PALLD: variants seen among roughly 807,000 people sequenced by gnomAD.
The protein encoded by PALLD is palladin.
Under a neutral mutation model 123.5 loss-of-function variants are expected in PALLD, and 61 were observed. The ratio of observed to expected loss-of-function variants is 0.49; its 90% CI spans 0.40 to 0.61. The LOEUF (loss-of-function observed/expected upper bound fraction) is 0.61. PALLD is among the 20% of genes least tolerant of loss of function. The probability of loss-of-function intolerance (pLI) is 0.00; values close to 1 mark genes in which losing one functional copy is unlikely to be tolerated. For missense variants in PALLD, 1,273 were observed against 1,377.0 expected (o/e 0.92, Z 1.20); for synonymous variants, 465 against 496.4 (o/e 0.94, Z 0.84).
intron 2 of PALLD, among the ~76,000 whole-genome samples, chr4:168,655,074 G>T (rs1164817365): frequency 6.6e-6 from 1 of 152,018 alleles, no homozygotes; most frequent in African/African-American, 2.4e-5. Flanking sequence ...GTTGGTGCAA[G>T]GTCCATAAGT....
In PALLD at chr4:168,668,242, T is replaced by C; in HGVS notation, c.961T>C (p.Cys321Arg). Residue 321 changes from cysteine (C) to arginine (R), a missense_variant, in exon 3 of 22, where the codon TGT (cysteine) becomes CGT (arginine). This residue lies in a region of PALLD where 944 missense variants were observed against 954.5 expected (regional missense o/e 0.99). Transcript: ENST00000505667. Reference sequence around the variant, plus strand: ...CAACACTCCTGATATTCAAATCCACTGTGAGGGAGGGGACCTCCATACCCT... The same window carrying C: ...CAACACTCCTGATATTCAAATCCACCGTGAGGGAGGGGACCTCCATACCCT... The part of the protein sequence containing the change: ...LHNTPDIQIH[C>R]EGGDLHTLII... The C allele has an allele frequency of 6.2e-7, 1 of 1,614,144 alleles. No individual in the cohort carries two copies. Among genetic ancestry groups the C allele is most frequent in the East Asian group, 2.2e-5 (1 of 44,876 alleles).
At chr4:168,758,226 T>A (rs112471411) in intron 10 of PALLD, among the ~76,000 whole-genome samples, 1 of 152,166 alleles carries the variant, frequency 6.6e-6, no homozygotes, top group Non-Finnish European at 1.5e-5. Context: ...TTAAAACTCA[T>A]CTTTTCAAGC....
intron 10 of PALLD, among the ~76,000 whole-genome samples, chr4:168,790,121 A>G (rs1737295897): frequency 1.3e-5 from 2 of 151,248 alleles, no homozygotes; most frequent in South Asian, 4.2e-4. Flanking sequence ...AATGTCTCCA[A>G]ATCCTACTTC....
chr4:168,653,045 C>T (rs768227219), intron 2 of PALLD, among the ~76,000 whole-genome samples: 1 of 152,188 alleles, frequency 6.6e-6, no homozygotes, highest in Non-Finnish European at 1.5e-5. Flanking sequence ...AGGAATCATC[C>T]ATCTAGTTCT....
At chr4:168,908,301 T>C (rs534808760) in intron 15 of PALLD, among the ~76,000 whole-genome samples, 180 of 152,308 alleles carry the variant, frequency 1.2e-3, no homozygotes, top group South Asian at 2.1e-3. Flanking sequence ...ATTTAAACCA[T>C]GACCAGTGAC....
chr4:168,575,118 G>A (rs1041265465), intron 2 of PALLD, among the ~76,000 whole-genome samples: 3 of 152,030 alleles, frequency 2.0e-5, no homozygotes, highest in African/African-American at 4.8e-5. Flanking sequence ...AATCTGATTC[G>A]CTACAGCAAT....
intron 2 of PALLD, among the ~76,000 whole-genome samples, chr4:168,642,649 G>A (rs941334607): frequency 5.9e-5 from 9 of 152,206 alleles, no homozygotes; most frequent in Non-Finnish European, 1.2e-4. Context: ...CGATCCACCC[G>A]CCTTGGTCTC....
intron 11 of PALLD, 78 bp downstream of exon 11, chr4:168,891,135 C>A (rs879760424): frequency 2.2e-6 from 3 of 1,391,238 alleles, no homozygotes; most frequent in African/African-American, 1.4e-5. Flanking sequence ...GACTTAGGTT[C>A]TTGATATTTG....
chr4:168,678,428 G>A (rs1781087712), intron 3 of PALLD, among the ~76,000 whole-genome samples: 1 of 152,148 alleles, frequency 6.6e-6, no homozygotes, highest in Non-Finnish European at 1.5e-5. Flanking sequence ...GATATTCTAG[G>A]TGACGTGAGT....
intron 10 of PALLD, among the ~76,000 whole-genome samples, chr4:168,780,761 C>T (rs948024851): frequency 3.3e-5 from 5 of 152,170 alleles, no homozygotes; most frequent in Admixed American, 3.3e-4. Context: ...AATCTCGGCT[C>T]ACTGCAGCCT....
chr4:168,872,814 G>C (rs923249143), intron 10 of PALLD, among the ~76,000 whole-genome samples: 1 of 152,318 alleles, frequency 6.6e-6, no homozygotes, highest in Non-Finnish European at 1.5e-5. Flanking sequence ...TCTGTGATAT[G>C]AAGATATCAA....
At chr4:168,755,072 A>T (rs1330375349) in intron 10 of PALLD, among the ~76,000 whole-genome samples, 1 of 152,124 alleles carries the variant, frequency 6.6e-6, no homozygotes, top group Non-Finnish European at 1.5e-5. Context: ...CTCTACTAAA[A>T]ATACAAAAAA....
At chr4:168,568,400 T>C (rs1380975677) in intron 2 of PALLD, among the ~76,000 whole-genome samples, 1 of 152,156 alleles carries the variant, frequency 6.6e-6, no homozygotes, top group East Asian at 1.9e-4. Flanking sequence ...TGTACCTCTG[T>C]TCATTATATG....
At chr4:168,832,624 A>G (rs1744435123) in intron 10 of PALLD, 1 of 152,340 alleles carries the variant, frequency 6.6e-6, no homozygotes, top group African/African-American at 2.4e-5. Flanking sequence ...AGGCGATGAC[A>G]TCATTCCCTG....
chr4:168,712,928 T>A (rs916278516), intron 10 of PALLD, among the ~76,000 whole-genome samples: 2 of 152,240 alleles, frequency 1.3e-5, no homozygotes, highest in African/African-American at 4.8e-5. Flanking sequence ...TTAAAAGATA[T>A]TTGAATTAGA....
intron 3 of PALLD, among the ~76,000 whole-genome samples, chr4:168,673,888 CTGTG>C (rs34043206): frequency 0.084 from 12,361 of 146,290 alleles, 1,661 homozygotes; most frequent in African/African-American, 0.28. Flanking sequence ...TTTGAACGTG[CTGTG>C]TGTGTGTGTG....
intron 10 of PALLD, among the ~76,000 whole-genome samples, chr4:168,824,911 T>C (rs1003617535): frequency 4.4e-5 from 6 of 137,396 alleles, no homozygotes; most frequent in African/African-American, 1.1e-4. Context: ...AACCTCCACC[T>C]CCCAGGCTCA....
rs537267243 is a variant in PALLD at position 168,505,797 on chromosome 4, C to T, written c.-82-5626C>T. 3.0e-4 allele frequency among the ~76,000 whole-genome samples: 46 copies of T among 152,316 alleles called. 1 individual carries two copies. The highest frequency in any genetic ancestry group is 1.0e-3 in the African/African-American group (43 of 41,572). The stretch of plus-strand genomic sequence containing the variant: ...CATTATCATTATCAATCATCGTGAT[C>T]ATTAATTGCCTTTATATGTGTTATA... On this transcript the variant is annotated intron_variant, in intron 1 of 21. Transcript: ENST00000505667.
chr4:168,738,983 A>G (rs186754717), intron 10 of PALLD, among the ~76,000 whole-genome samples: 122 of 152,294 alleles, frequency 8.0e-4, no homozygotes, highest in African/African-American at 2.7e-3. Context: ...CCTTCATGGA[A>G]TCAACATTTT....
Sources: allele counts gnomAD v4.1 joint callset (sites outside exome capture counted in the v4.1 genomes callset), GRCh38; gene constraint gnomAD v4.1.1; regional missense constraint gnomAD v4.1.1; transcripts MANE v1.5; gene names NCBI Gene and HGNC (gene_info 2026-07-23, HGNC 2026-07-21).